The following SYNPR variants were observed in gnomAD, a reference collection of about 807,000 sequenced individuals.
SYNPR encodes synaptoporin.
A neutral mutation model predicts 32.9 loss-of-function variants in SYNPR; 23 were observed. That is an observed-to-expected ratio of 0.70 (90% CI 0.50 to 0.99). SYNPR has a LOEUF of 0.99. Ranked by LOEUF, SYNPR falls within the 50% of genes least tolerant of loss-of-function variation. SYNPR has a pLI of 0.00. For missense variants in SYNPR, 318 were observed against 349.3 expected (o/e 0.91, Z 0.71); for synonymous variants, 146 against 135.9 (o/e 1.07, Z -0.52).
At chr3:63,561,777 G>GA (rs1242943805) in intron 4 of SYNPR, among the ~76,000 whole-genome samples, 2 of 152,080 alleles carry the variant, frequency 1.3e-5, no homozygotes, top group Non-Finnish European at 2.9e-5. Context: ...TGTGTATTGT[G>GA]AATCACAGAT....
At chr3:63,334,341 T>C (rs575387702) in intron 2 of SYNPR, among the ~76,000 whole-genome samples, 1 of 152,272 alleles carries the variant, frequency 6.6e-6, no homozygotes, top group East Asian at 1.9e-4. Flanking sequence ...AGAGTATGAC[T>C]TGGGTGTGGT....
chr3:63,573,090 C>T (rs7625508), intron 4 of SYNPR, among the ~76,000 whole-genome samples: 4,026 of 152,180 alleles, frequency 0.026, 151 homozygotes, highest in African/African-American at 0.087. Context: ...ACAACGGATC[C>T]ATCAGGGAAA....
chr3:63,501,584 C>T (rs980457380), intron 3 of SYNPR, among the ~76,000 whole-genome samples: 2 of 151,380 alleles, frequency 1.3e-5, no homozygotes, highest in Non-Finnish European at 2.9e-5. Context: ...TAAACACGGT[C>T]TGGCACATGA....
chr3:63,574,948 G>A (rs566114589), intron 4 of SYNPR, among the ~76,000 whole-genome samples: 5 of 152,086 alleles, frequency 3.3e-5, no homozygotes, highest in South Asian at 4.2e-4. Context: ...AAGTGTGGGC[G>A]AGCACTTTCA....
At chr3:63,262,659 A>C (rs934364849) in intron 2 of SYNPR, among the ~76,000 whole-genome samples, 1 of 152,190 alleles carries the variant, frequency 6.6e-6, no homozygotes, top group Non-Finnish European at 1.5e-5. Context: ...GGACCGTGCC[A>C]AAGCCCAGCC....
chr3:63,203,543 A>AGCTGGGTGACTAT, the SYNPR span: 1 of 152,264 alleles, frequency 6.6e-6, no homozygotes, highest in East Asian at 1.9e-4. Flanking sequence ...GGGAACCGGA[A>AGCTGGGTGACTAT]GCTGGGTGAC....
intron 1 of SYNPR, among the ~76,000 whole-genome samples, chr3:63,246,108 A>T (rs533398433): frequency 9.9e-5 from 15 of 152,192 alleles, no homozygotes; most frequent in African/African-American, 3.4e-4. Flanking sequence ...GAAGGAACAC[A>T]AGGGCAGACA....
chr3:63,205,627 A>T, the SYNPR span, among the ~76,000 whole-genome samples: 12 of 152,358 alleles, frequency 7.9e-5, no homozygotes, highest in African/African-American at 2.9e-4. Context: ...AGCCCTTTGT[A>T]GAATGTCTAT....
intron 2 of SYNPR, among the ~76,000 whole-genome samples, chr3:63,376,087 A>G (rs1368333706): frequency 6.6e-6 from 1 of 152,158 alleles, no homozygotes; most frequent in East Asian, 1.9e-4. Flanking sequence ...TATTCTCAAT[A>G]GAACTTTTTG....
At chr3:63,326,052 T>C (rs2087162926) in intron 2 of SYNPR, among the ~76,000 whole-genome samples, 1 of 151,944 alleles carries the variant, frequency 6.6e-6, no homozygotes, top group African/African-American at 2.4e-5. Flanking sequence ...GGTGACCCCA[T>C]GTTTCTCTGC....
intron 2 of SYNPR, among the ~76,000 whole-genome samples, chr3:63,466,725 TTC>T (rs569520035): frequency 2.8e-4 from 38 of 134,118 alleles, no homozygotes; most frequent in Non-Finnish European, 4.4e-4. Context: ...CTAAGGCCTC[TTC>T]TCTCAGCCTG....
intron 1 of SYNPR, among the ~76,000 whole-genome samples, chr3:63,234,651 A>C (rs956152511): frequency 6.6e-6 from 1 of 152,234 alleles, no homozygotes; most frequent in Non-Finnish European, 1.5e-5. Context: ...AAAATGAAAG[A>C]AGTAGACTTT....
At chr3:63,275,753 C>T (rs993713987), upstream of SYNPR, among the ~76,000 whole-genome samples, 1 of 152,116 alleles carries the variant, frequency 6.6e-6, no homozygotes, top group Admixed American at 6.6e-5. Flanking sequence ...ATATAAAGCA[C>T]TTAGCACAAT....
chr3:63,236,430 C>A (rs79364635), intron 1 of SYNPR, among the ~76,000 whole-genome samples: 5,363 of 152,068 alleles, frequency 0.035, 274 homozygotes, highest in African/African-American at 0.12. Flanking sequence ...GGGATTGTGA[C>A]AGAGACTGTG....
intron 2 of SYNPR, among the ~76,000 whole-genome samples, chr3:63,309,546 C>A (rs1340082405): frequency 6.6e-6 from 1 of 151,968 alleles, no homozygotes; most frequent in Non-Finnish European, 1.5e-5. Flanking sequence ...TAAGTAGGAT[C>A]AGAGAGGTGT....
intron 4 of SYNPR, among the ~76,000 whole-genome samples, chr3:63,576,235 T>C (rs903866952): frequency 6.6e-6 from 1 of 152,192 alleles, no homozygotes; most frequent in African/African-American, 2.4e-5. Context: ...CAAGTTAACC[T>C]GTCAGAATAA....
intron 2 of SYNPR, among the ~76,000 whole-genome samples, chr3:63,430,530 G>A (rs75411387): frequency 0.044 from 6,705 of 152,250 alleles, 188 homozygotes; most frequent in South Asian, 0.11. Context: ...AGGAAGAAAA[G>A]CACCTCCTAG....
intron 2 of SYNPR, among the ~76,000 whole-genome samples, chr3:63,318,437 CT>C (rs1279195823): frequency 6.6e-6 from 1 of 151,852 alleles, no homozygotes; most frequent in Non-Finnish European, 1.5e-5. Context: ...TTCTTGGAGA[CT>C]TTGTTCATAT....
chr3:63,325,744 G>A (rs533489268), intron 2 of SYNPR, among the ~76,000 whole-genome samples: 10 of 152,044 alleles, frequency 6.6e-5, no homozygotes, highest in Middle Eastern at 3.4e-3. Context: ...CATCATTCTC[G>A]GTGGAAACTG....
Sources: gnomAD v4.1 joint callset for allele counts (sites outside exome capture counted in the v4.1 genomes callset) on GRCh38, gnomAD v4.1.1 for gene constraint, MANE v1.5 for transcripts, NCBI Gene and HGNC (gene_info 2026-07-23, HGNC 2026-07-21) for gene names.